Variants in CAMTA1 observed in about 807,000 individuals in gnomAD.
CAMTA1 encodes the protein calmodulin binding transcription activator 1, also known as calmodulin-binding transcription activator 1.
A neutral mutation model predicts 170.9 loss-of-function variants in CAMTA1; 27 were observed. The observed-to-expected ratio is 0.16, with a 90% CI of 0.12 to 0.22. CAMTA1 has a LOEUF of 0.22. Ranked by LOEUF, CAMTA1 falls within the 10% of genes least tolerant of loss-of-function variation. The probability of loss-of-function intolerance (pLI) is 1.00; values close to 1 mark genes in which losing one functional copy is unlikely to be tolerated. For synonymous variants in CAMTA1, 833 were observed against 891.5 expected (o/e 0.93, Z 1.17); for missense variants, 1,619 against 2,217.2 (o/e 0.73, Z 5.42).
At chr1:7,560,238 A>G (rs969843107) in intron 6 of CAMTA1, among the ~76,000 whole-genome samples, 24 of 152,174 alleles carry the variant, frequency 1.6e-4, no homozygotes, top group African/African-American at 5.8e-4. Flanking sequence ...GTGGCCCTCT[A>G]AGGTGCCCCT....
At chr1:6,839,400 AC>A (rs1654740945) in intron 3 of CAMTA1, among the ~76,000 whole-genome samples, 1 of 151,986 alleles carries the variant, frequency 6.6e-6, no homozygotes, top group African/African-American at 2.4e-5. Flanking sequence ...AAAACAAAAA[AC>A]AAAAAACCCC....
intron 4 of CAMTA1, among the ~76,000 whole-genome samples, chr1:7,177,466 T>C (rs1355974789): frequency 8.3e-6 from 1 of 121,026 alleles, no homozygotes; most frequent in Non-Finnish European, 1.8e-5. Context: ...TCCCACACCC[T>C]GAGGCCCCCC....
chr1:7,197,947 C>A (rs1290813287), intron 4 of CAMTA1, among the ~76,000 whole-genome samples: 1 of 151,922 alleles, frequency 6.6e-6, no homozygotes, highest in Non-Finnish European at 1.5e-5. Flanking sequence ...CCCGAATGAG[C>A]AAGACCTGTG....
In CAMTA1 at chr1:7,206,030, G is replaced by C. The variant is rs1657673080; in HGVS notation, c.303-43461G>C. ...TACTGAGTTTCCAAATGTGGTTGGG[G>C]CATATCTGGACTTCTTCTACTCCAC... On this transcript the variant is annotated intron_variant, in intron 4 of 22. Transcript: ENST00000303635. Among the ~76,000 whole-genome samples the C allele has an allele frequency of 2.0e-5, 3 of 152,122 alleles. 1 individual carries two copies. In the South Asian group the frequency reaches 6.2e-4, roughly 32 times the overall value.
At chr1:6,977,562 G>T (rs772676176) in intron 3 of CAMTA1, among the ~76,000 whole-genome samples, 2 of 152,118 alleles carry the variant, frequency 1.3e-5, no homozygotes, top group Non-Finnish European at 2.9e-5. Context: ...GGATGGTATC[G>T]ATTTCCTGAC....
Position 7,643,277 on chromosome 1 carries a change from G to T in CAMTA1, c.664+2724G>T, listed in dbSNP as rs144155559. ...TCCACTGGAAAATGAGGGCCCCTTT[G>T]CTGGACAGAGGCCCCATCCATATGG... On this transcript the variant is annotated intron_variant, in intron 7 of 22. Coordinates refer to ENST00000303635, the MANE Select transcript of CAMTA1 (RefSeq NM_015215.4). Among the ~76,000 whole-genome samples, 1,031 of 152,308 alleles carry T rather than the reference G, an allele frequency of 6.8e-3. 15 individuals carry two copies. Among genetic ancestry groups the T allele is most frequent in the African/African-American group, 0.023 (956 of 41,560 alleles).
chr1:6,900,314 C>T (rs548609879), intron 3 of CAMTA1, among the ~76,000 whole-genome samples: 24 of 151,494 alleles, frequency 1.6e-4, no homozygotes, highest in African/African-American at 4.8e-4. Flanking sequence ...GGTGGCCTCC[C>T]GTTCCCGTGC....
At chr1:7,418,792 T>C (rs2149301897) in intron 5 of CAMTA1, among the ~76,000 whole-genome samples, 1 of 152,284 alleles carries the variant, frequency 6.6e-6, no homozygotes, top group African/African-American at 2.4e-5. Context: ...CGTTGGAGCA[T>C]CCTGGACGCT....
At chr1:7,533,901 G>A (rs1045006028) in intron 6 of CAMTA1, among the ~76,000 whole-genome samples, 3 of 151,962 alleles carry the variant, frequency 2.0e-5, no homozygotes, top group Admixed American at 6.6e-5. Context: ...ATGACAGAGC[G>A]AGACCTTGTC....
intron 6 of CAMTA1, among the ~76,000 whole-genome samples, chr1:7,469,496 C>T (rs1365872497): frequency 1.3e-5 from 2 of 152,242 alleles, no homozygotes; most frequent in Admixed American, 6.5e-5. Context: ...AGCCTGCAGC[C>T]CTGTACACTC....
intron 6 of CAMTA1, among the ~76,000 whole-genome samples, chr1:7,509,324 C>A (rs1398919184): frequency 6.6e-6 from 1 of 152,184 alleles, no homozygotes; most frequent in Non-Finnish European, 1.5e-5. Context: ...ATAAACAGAG[C>A]AGCGCTGGCC....
intron 6 of CAMTA1, among the ~76,000 whole-genome samples, chr1:7,575,139 C>T (rs1291382673): frequency 6.6e-6 from 1 of 152,178 alleles, no homozygotes; most frequent in Non-Finnish European, 1.5e-5. Flanking sequence ...GGGTGCTCAG[C>T]TCTGTTTCTG....
chr1:7,332,824 G>A (rs1340126636), intron 5 of CAMTA1, among the ~76,000 whole-genome samples: 1 of 151,814 alleles, frequency 6.6e-6, no homozygotes, highest in African/African-American at 2.4e-5. Context: ...CACACCCGCA[G>A]ATACACACAC....
At chr1:7,471,456 G>A (rs2093328565) in intron 6 of CAMTA1, among the ~76,000 whole-genome samples, 1 of 152,244 alleles carries the variant, frequency 6.6e-6, no homozygotes. Flanking sequence ...GCCATGACCT[G>A]GAAGAGGCCA....
chr1:7,213,752 T>TC (rs1405572781), intron 4 of CAMTA1, among the ~76,000 whole-genome samples: 1 of 151,794 alleles, frequency 6.6e-6, no homozygotes, highest in Non-Finnish European at 1.5e-5. Flanking sequence ...ATGCTATCCC[T>TC]CCCCCCTCCG....
At chr1:7,002,368 C>T (rs1698350514) in intron 3 of CAMTA1, among the ~76,000 whole-genome samples, 1 of 152,108 alleles carries the variant, frequency 6.6e-6, no homozygotes, top group Non-Finnish European at 1.5e-5. Flanking sequence ...TAAAACAGCG[C>T]AGTGGGAAAG....
intron 6 of CAMTA1, among the ~76,000 whole-genome samples, chr1:7,589,776 GT>G (rs1226677793): frequency 2.0e-5 from 3 of 152,296 alleles, no homozygotes; most frequent in Non-Finnish European, 1.5e-5. Context: ...TAAGAGGAGG[GT>G]TTTCTCAGAT....
At chr1:7,023,901 G>T (rs1057256307) in intron 3 of CAMTA1, among the ~76,000 whole-genome samples, 2 of 151,700 alleles carry the variant, frequency 1.3e-5, no homozygotes, top group Non-Finnish European at 2.9e-5. Context: ...GGTGGCAGGC[G>T]CCTGTAATCC....
intron 1 of CAMTA1, among the ~76,000 whole-genome samples, chr1:6,786,433 AGGGGTCCG>A (rs1639391941): frequency 6.6e-6 from 1 of 152,046 alleles, no homozygotes; most frequent in African/African-American, 2.4e-5. Flanking sequence ...TCCTTGGCAC[AGGGGTCCG>A]TCTGATCTGC....
Sources: allele counts gnomAD v4.1 joint callset (sites outside exome capture counted in the v4.1 genomes callset), GRCh38; gene constraint gnomAD v4.1.1; transcripts MANE v1.5; gene names NCBI Gene and HGNC (gene_info 2026-07-23, HGNC 2026-07-21).